CCDC83: variants seen among roughly 807,000 people sequenced by gnomAD.
The protein encoded by CCDC83 is coiled-coil domain-containing protein 83.
CCDC83 carries 54 observed loss-of-function variants against 50.1 expected under a neutral mutation model. That is an observed-to-expected ratio of 1.08 (90% CI 0.87 to 1.35). The LOEUF is 1.35. CCDC83 is among the 40% of genes most tolerant of loss of function. The pLI, the probability that CCDC83 is intolerant of heterozygous loss-of-function variation, is 0.00. For missense variants in CCDC83, 518 were observed against 473.9 expected (o/e 1.09, Z -0.86); for synonymous variants, 161 against 153.3 (o/e 1.05, Z -0.37).
intron 1 of CCDC83, among the ~76,000 whole-genome samples, chr11:85,856,184 CAAAAAAAA>C (rs370054964): frequency 0.017 from 1,658 of 94,892 alleles, 13 homozygotes; most frequent in Middle Eastern, 0.053. Context: ...CTATCTAAGC[CAAAAAAAA>C]AAAAAAAAAA....
intron 3 of CCDC83, among the ~76,000 whole-genome samples, chr11:85,873,873 G>A (rs186769909): frequency 1.3e-5 from 2 of 152,198 alleles, no homozygotes; most frequent in African/African-American, 4.8e-5. Flanking sequence ...TATCCCTCAA[G>A]GTATCTCATG....
intron 1 of CCDC83, among the ~76,000 whole-genome samples, chr11:85,857,671 G>A (rs955649722): frequency 1.3e-5 from 2 of 152,190 alleles, no homozygotes; most frequent in African/African-American, 4.8e-5. Context: ...CGGCTGCCAG[G>A]AGTCCCTCAT....
intron 4 of CCDC83, among the ~76,000 whole-genome samples, chr11:85,883,130 C>G (rs1464074077): frequency 6.6e-6 from 1 of 152,024 alleles, no homozygotes; most frequent in Non-Finnish European, 1.5e-5. Context: ...GTTGCCCAGG[C>G]TGGTCTCGAA....
At chr11:85,888,801 A>G (rs975636154) in intron 5 of CCDC83, among the ~76,000 whole-genome samples, 16 of 152,144 alleles carry the variant, frequency 1.1e-4, no homozygotes, top group African/African-American at 3.6e-4. Context: ...TTTATCATCA[A>G]TTTTTATCCT....
chr11:85,859,105 T>C (rs1439600733), intron 1 of CCDC83, among the ~76,000 whole-genome samples: 1 of 142,688 alleles, frequency 7.0e-6, no homozygotes, highest in Non-Finnish European at 1.5e-5. Flanking sequence ...ATAATGTTTA[T>C]GTTAAAAAAA....
intron 2 of CCDC83, among the ~76,000 whole-genome samples, chr11:85,867,115 G>A (rs948195674): frequency 3.3e-5 from 5 of 152,128 alleles, no homozygotes; most frequent in Non-Finnish European, 7.4e-5. Flanking sequence ...GAGTGTAGTA[G>A]CCTGATTATA....
intron 9 of CCDC83, 46 bp downstream of exon 9, chr11:85,915,544 GT>G: frequency 7.1e-7 from 1 of 1,403,810 alleles, no homozygotes; most frequent in Non-Finnish European, 1.0e-6. Flanking sequence ...TCAAACTCTT[GT>G]TTTTCAATTT....
At chr11:85,916,498 C>G (rs1325000825) in intron 10 of CCDC83, 6 of 384,978 alleles carry the variant, frequency 1.6e-5, no homozygotes, top group African/African-American at 1.3e-4. Context: ...TCCCCAAAAC[C>G]TAGTGGCTTA....
chr11:85,911,451 C>A, intron 8 of CCDC83, 49 bp downstream of exon 8: 5 of 1,449,878 alleles, frequency 3.4e-6, no homozygotes, highest in South Asian at 1.5e-5. Context: ...TTTGTATCTG[C>A]TGTAAAAAGT....
intron 1 of CCDC83, among the ~76,000 whole-genome samples, chr11:85,857,808 A>G (rs1566065020): frequency 6.6e-6 from 1 of 152,126 alleles, no homozygotes; most frequent in Non-Finnish European, 1.5e-5. Flanking sequence ...CATCATCATC[A>G]AGATCGACCC....
intron 3 of CCDC83, among the ~76,000 whole-genome samples, chr11:85,874,147 G>A (rs1025819587): frequency 6.6e-6 from 1 of 152,126 alleles, no homozygotes; most frequent in Non-Finnish European, 1.5e-5. Context: ...TAATTTATTT[G>A]TTCATTCAGT....
chr11:85,889,836 T>C (rs1269507673), intron 5 of CCDC83, among the ~76,000 whole-genome samples: 1 of 152,124 alleles, frequency 6.6e-6, no homozygotes, highest in Admixed American at 6.5e-5. Flanking sequence ...TGAAAGAGGA[T>C]ATTAAAACTT....
Position 85,886,315 on chromosome 11 carries a change from C to T in CCDC83, c.459C>T (p.Thr153=), listed in dbSNP as rs781058590. Residue 153 remains threonine (T), a synonymous_variant, in exon 5 of 11, where the codon ACC becomes ACT. Transcript: ENST00000342404. ...VGSERHAKLI[T]SLQNDINTVK... is the part of the protein sequence containing the mutation. ...GTGAACGACATGCTAAACTCATTAC[C>T]TCCTTACAAAATGACATCAACACAG... The T allele has an allele frequency of 2.5e-6, 4 of 1,608,916 alleles. No individual in the cohort carries two copies. The highest frequency in any genetic ancestry group is 3.4e-6 in the Non-Finnish European group (4 of 1,178,084).
chr11:85,895,481 C>A, intron 6 of CCDC83, 97 bp downstream of exon 6: 1 of 687,506 alleles, frequency 1.5e-6, no homozygotes, highest in Non-Finnish European at 2.5e-6. Context: ...TGGATAGATT[C>A]TCAGATTTGG....
intron 3 of CCDC83, among the ~76,000 whole-genome samples, chr11:85,879,110 A>G (rs1274276167): frequency 6.6e-6 from 1 of 152,200 alleles, no homozygotes; most frequent in Admixed American, 6.5e-5. Context: ...AAGGTCTGTA[A>G]CAGAGTAAAA....
intron 1 of CCDC83, among the ~76,000 whole-genome samples, chr11:85,858,495 T>A (rs1369180397): frequency 6.6e-6 from 1 of 152,198 alleles, no homozygotes; most frequent in Non-Finnish European, 1.5e-5. Context: ...CCCTATTGAC[T>A]CCCTGGGGCT....
chr11:85,911,787 T>A (rs1386026225), intron 8 of CCDC83, among the ~76,000 whole-genome samples: 1 of 152,076 alleles, frequency 6.6e-6, no homozygotes, highest in African/African-American at 2.4e-5. Flanking sequence ...TTGCTGGAAG[T>A]TTCATGGAGG....
intron 6 of CCDC83, among the ~76,000 whole-genome samples, chr11:85,895,900 A>C (rs1592172659): frequency 6.6e-6 from 1 of 152,020 alleles, no homozygotes; most frequent in Non-Finnish European, 1.5e-5. Context: ...TGCAGTCTTC[A>C]CCTTTTGGGC....
intron 6 of CCDC83, among the ~76,000 whole-genome samples, chr11:85,897,333 C>T (rs1414305536): frequency 6.6e-6 from 1 of 152,206 alleles, no homozygotes; most frequent in Admixed American, 6.5e-5. Flanking sequence ...TTCAGGAGGG[C>T]TCCTTCAGAT....
Sources: gnomAD v4.1 joint callset for allele counts (sites outside exome capture counted in the v4.1 genomes callset) on GRCh38, gnomAD v4.1.1 for gene constraint, MANE v1.5 for transcripts, NCBI Gene and HGNC (gene_info 2026-07-23, HGNC 2026-07-21) for gene names.